MANBA: variants seen among roughly 807,000 people sequenced by gnomAD.
MANBA encodes the protein beta-mannosidase.
Under a neutral mutation model 111.1 loss-of-function variants are expected in MANBA, and 83 were observed. The observed-to-expected ratio is 0.75, with a 90% CI of 0.63 to 0.90. The LOEUF is 0.90. MANBA is among the 40% of genes least tolerant of loss of function. The pLI is 0.00. For synonymous variants in MANBA, 370 were observed against 378.7 expected (o/e 0.98, Z 0.27); for missense variants, 1,036 against 1,069.0 (o/e 0.97, Z 0.43).
chr4:102,654,234 G>A (rs1730462124), intron 12 of MANBA, among the ~76,000 whole-genome samples: 1 of 152,022 alleles, frequency 6.6e-6, no homozygotes, highest in African/African-American at 2.4e-5. Context: ...CCTGCGTCAG[G>A]ATACTGAACT....
At chr4:102,686,898 A>C (rs577023790) in intron 7 of MANBA, among the ~76,000 whole-genome samples, 8 of 152,260 alleles carry the variant, frequency 5.3e-5, no homozygotes, top group Non-Finnish European at 8.8e-5. Context: ...GCTAACTTAC[A>C]CATCTATATC....
chr4:102,719,060 A>C (rs1280530670), intron 4 of MANBA, among the ~76,000 whole-genome samples: 1 of 152,240 alleles, frequency 6.6e-6, no homozygotes, highest in Admixed American at 6.5e-5. Context: ...GCAGAGAATC[A>C]GTCTGACTAG....
chr4:102,749,351 G>GA, intron 1 of MANBA, among the ~76,000 whole-genome samples: 1 of 152,316 alleles, frequency 6.6e-6, no homozygotes, highest in East Asian at 1.9e-4. Flanking sequence ...TTGTGGCACA[G>GA]AAGTGATGGC....
rs189278848 is a variant in MANBA, at chr4:102,689,634, C to A, written c.900G>T (p.Gly300=). The A allele has an allele frequency of 1.2e-6, 2 of 1,611,688 alleles. No individual in the cohort carries two copies. The highest frequency in any genetic ancestry group is 2.7e-5 in the African/African-American group (2 of 74,894). ...GTTCAAAAAGAACAGTCATGTTGTA[C>A]CCAGTCTGGTTTCCATGTCCATGAG... The part of the protein sequence containing the change: ...WWPHGHGNQT[G]YNMTVLFELD... Residue 300 remains glycine (G), a synonymous_variant, in exon 7 of 17, where the codon GGG becomes GGT. Coordinates refer to ENST00000647097, the MANE Select transcript of MANBA (RefSeq NM_005908.4).
chr4:102,632,859 A>G (rs1729452362), intron 16 of MANBA, among the ~76,000 whole-genome samples: 2 of 152,376 alleles, frequency 1.3e-5, no homozygotes, highest in African/African-American at 2.4e-5. Flanking sequence ...TGCAATTTAA[A>G]TCGTGTTGGC....
At chr4:102,634,694 C>T in intron 16 of MANBA, 94 bp downstream of exon 16, 6 of 1,532,714 alleles carry the variant, frequency 3.9e-6, no homozygotes, top group Non-Finnish European at 5.4e-6. Flanking sequence ...CCAAGGGGGA[C>T]ACATGCAAAT....
At chr4:102,740,087 A>G (rs539157738) in intron 1 of MANBA, among the ~76,000 whole-genome samples, 11 of 152,370 alleles carry the variant, frequency 7.2e-5, no homozygotes, top group Non-Finnish European at 1.3e-4. Context: ...AAATAAATTC[A>G]GCAAAGTTTT....
chr4:102,731,785 C>T (rs934641700), intron 1 of MANBA, among the ~76,000 whole-genome samples: 4 of 151,894 alleles, frequency 2.6e-5, no homozygotes, highest in African/African-American at 9.7e-5. Flanking sequence ...GTTTGCTAAC[C>T]CCTGCCCAAG....
At chr4:102,641,292 G>A (rs1327489773) in intron 13 of MANBA, among the ~76,000 whole-genome samples, 1 of 152,228 alleles carries the variant, frequency 6.6e-6, no homozygotes, top group Non-Finnish European at 1.5e-5. Flanking sequence ...AGCAATGGAA[G>A]AGAAGCTGGT....
chr4:102,646,894 A>C lies in MANBA; in HGVS notation c.1869+3643T>G, dbSNP rs568485149. 6.0e-4 allele frequency among the ~76,000 whole-genome samples: 92 copies of C among 152,238 alleles called. 1 individual carries two copies. Among genetic ancestry groups the C allele is most frequent in the African/African-American group, 2.1e-3 (89 of 41,570 alleles). ...CAAAGAGAAGATAGGGAAGGATCCA[A>C]ACGTGAAGAAATTTACTGGACAGTT... On this transcript the variant is annotated intron_variant, in intron 13 of 16. Transcript: ENST00000647097.
chr4:102,637,358 C>G (rs1251307282), intron 14 of MANBA, among the ~76,000 whole-genome samples: 1 of 152,186 alleles, frequency 6.6e-6, no homozygotes, highest in East Asian at 1.9e-4. Flanking sequence ...CAAGGCAGGT[C>G]TCTAATCCGA....
intron 1 of MANBA, chr4:102,728,205 G>C (rs1425934744): frequency 1.1e-5 from 6 of 538,130 alleles, no homozygotes; most frequent in Non-Finnish European, 2.3e-5. Flanking sequence ...AGCTCCCTTG[G>C]GGCTGGACTC....
chr4:102,699,212 C>A (rs1386798544), intron 5 of MANBA, among the ~76,000 whole-genome samples: 2 of 151,698 alleles, frequency 1.3e-5, no homozygotes, highest in African/African-American at 2.4e-5. Context: ...GATTTTGTAT[C>A]CTGAGACTTT....
chr4:102,678,353 C>G (rs1170144027), intron 7 of MANBA, among the ~76,000 whole-genome samples: 1 of 152,132 alleles, frequency 6.6e-6, no homozygotes, highest in Non-Finnish European at 1.5e-5. Flanking sequence ...CAGTAATTTT[C>G]CACGTCCTCT....
intron 7 of MANBA, among the ~76,000 whole-genome samples, chr4:102,677,459 C>T (rs1279552439): frequency 6.6e-6 from 1 of 152,118 alleles, no homozygotes; most frequent in East Asian, 1.9e-4. Context: ...TCTCAAGAAA[C>T]AAACATTTTC....
intron 5 of MANBA, among the ~76,000 whole-genome samples, chr4:102,700,609 G>A (rs1279738332): frequency 7.2e-5 from 11 of 152,090 alleles, no homozygotes; most frequent in Non-Finnish European, 1.2e-4. Flanking sequence ...CCTTCATTTC[G>A]TTATGTACCC....
At chr4:102,739,133 AC>A (rs564853206) in intron 1 of MANBA, among the ~76,000 whole-genome samples, 50 of 152,334 alleles carry the variant, frequency 3.3e-4, no homozygotes, top group Non-Finnish European at 5.9e-4. Flanking sequence ...TACAATTGAT[AC>A]CACAGAAATA....
rs948043841 is a variant in MANBA, at chr4:102,651,073, G to A, written c.1705-372C>T. On this transcript the variant is annotated intron_variant, in intron 12 of 16. Transcript: ENST00000647097. ...TAGGTAAACATTTTATCTAGTATTC[G>A]TTTGTCAAAACTTAATAGAATGCAA... 1.2e-4 allele frequency among the ~76,000 whole-genome samples: 18 copies of A among 151,226 alleles called. 1 individual carries two copies. Among genetic ancestry groups the A allele is most frequent in the Admixed American group, 3.3e-4 (5 of 15,110 alleles).
chr4:102,716,795 T>G (rs1179749759), intron 4 of MANBA, among the ~76,000 whole-genome samples: 1 of 152,230 alleles, frequency 6.6e-6, no homozygotes, highest in South Asian at 2.1e-4. Flanking sequence ...AAAATCCTTC[T>G]AGATGGAGTC....
Sources: gnomAD v4.1 joint callset for allele counts (sites outside exome capture counted in the v4.1 genomes callset) on GRCh38, gnomAD v4.1.1 for gene constraint, MANE v1.5 for transcripts, NCBI Gene and HGNC (gene_info 2026-07-23, HGNC 2026-07-21) for gene names.